The following WIZ variants were observed in gnomAD, a reference collection of about 807,000 sequenced individuals.
WIZ encodes protein Wiz.
A neutral mutation model predicts 140.2 loss-of-function variants in WIZ; 25 were observed. The ratio of observed to expected loss-of-function variants is 0.18; its 90% CI spans 0.13 to 0.25. WIZ has a LOEUF of 0.25. Among genes scored for constraint, WIZ ranks in the 10% least tolerant of loss-of-function variants. The pLI is 1.00. For synonymous variants in WIZ, 1,125 were observed against 1,154.3 expected, an observed-to-expected ratio of 0.97 and a Z score of 0.51; for missense variants, 2,231 against 2,632.6, an observed-to-expected ratio of 0.85 and a Z score of 3.34.
At chr19:15,429,457 C>G (rs1307948922) in intron 7 of WIZ, 129 bp downstream of exon 7, 3 of 1,088,236 alleles carry the variant, frequency 2.8e-6, no homozygotes. Context: ...CTGGCTGGCC[C>G]AGGACATGGG....
rs550312472 is a variant in WIZ, at chr19:15,438,819, C to T, written c.2175G>A (p.Pro725=). 3.7e-3 allele frequency: 5,604 copies of T among 1,507,534 alleles called. 16 individuals carry two copies. Among genetic ancestry groups the T allele is most frequent in the Non-Finnish European group, 4.3e-3 (4,877 of 1,126,564 alleles). 93.4% of individuals were successfully genotyped at this position (1,507,534 alleles called of 1,614,324 possible). The change falls in exon 4 of 13, where the codon CCG becomes CCA. Residue 725 remains proline (P), a synonymous_variant. Transcript: ENST00000673675. The part of the protein sequence containing the change: ...HPLDFLLLDA[P]LGGPLGLDTL... ...TGTCCAGCCCCAGCGGGCCGCCCAGCGGCGCGTCCAGGAGCAGGAAGTCCA... is the reference window on the plus strand; with the variant it reads ...TGTCCAGCCCCAGCGGGCCGCCCAGTGGCGCGTCCAGGAGCAGGAAGTCCA...
chr19:15,434,852 A>G (rs1202820894), intron 5 of WIZ, among the ~76,000 whole-genome samples: 2 of 152,216 alleles, frequency 1.3e-5, no homozygotes, highest in Non-Finnish European at 2.9e-5. Flanking sequence ...CACTAGAGAC[A>G]CCACCAAACA....
At position 15,424,209 on chromosome 19, in the gene WIZ, C is replaced by T. The variant is rs1968558114; in HGVS notation, c.5484G>A (p.Val1828=). 2 of 1,560,630 alleles carry T rather than the reference C, an allele frequency of 1.3e-6. No individual in the cohort carries two copies. Among genetic ancestry groups the T allele is most frequent in the Non-Finnish European group, 1.7e-6 (2 of 1,155,392 alleles). ...TGCATTTGAGGGTGTAGATGTTGCC[C>T]ACGAACTTGACAAGTGATGTCTGGG... ...RPPQTSLVKF[V]GNIYTLKCRF... Residue 1828 remains valine (V), a synonymous_variant, in exon 12 of 13, where the codon GTG becomes GTA. Coordinates refer to ENST00000673675, the MANE Select transcript of WIZ (RefSeq NM_001371589.1). The surrounding 1 kb of genome is among the most constrained non-coding windows in gnomAD (Gnocchi z 9.7).
chr19:15,444,094 C>T (rs1969836257), intron 2 of WIZ, among the ~76,000 whole-genome samples: 1 of 152,244 alleles, frequency 6.6e-6, no homozygotes, highest in Non-Finnish European at 1.5e-5. Context: ...GTGCCCCGTC[C>T]AGAGCCCGAC....
In WIZ at chr19:15,420,032, C is replaced by G. The variant is rs1968312419; in HGVS notation, c.*3044G>C. The G allele has an allele frequency of 6.6e-6, 1 of 152,160 alleles. No individual in the cohort carries two copies. Among genetic ancestry groups the G allele is most frequent in the Non-Finnish European group, 1.5e-5 (1 of 68,050 alleles). The allele number at this position is 152,160 out of a possible 1,614,324, so 9.4% of individuals were successfully genotyped here. On this transcript the variant is annotated 3_prime_UTR_variant, in exon 13 of 13. Transcript: ENST00000673675. Reference sequence around the variant, plus strand: ...TGTTTCTTTTTGATATTGTTGATTTCTTTAGGTGTAATAGTGGCATTTACA... The same window carrying G: ...TGTTTCTTTTTGATATTGTTGATTTGTTTAGGTGTAATAGTGGCATTTACA...
chr19:15,441,420 T>C (rs1969742458), intron 3 of WIZ, among the ~76,000 whole-genome samples: 1 of 152,178 alleles, frequency 6.6e-6, no homozygotes, highest in Admixed American at 6.5e-5. Flanking sequence ...TCTGTGGAGC[T>C]TTCTCATAGC....
rs900109412 is a variant in WIZ at position 15,427,771 on chromosome 19, A to G, written c.3815-238T>C. On this transcript the variant is annotated intron_variant, in intron 8 of 12. Transcript: ENST00000673675. The surrounding 1 kb of genome is among the most constrained non-coding windows in gnomAD (Gnocchi z 6.4). ...AGTCCTGGCGGAGGAGGATGGAACC[A>G]AGATTCCATTGCTCTGTGGGTCCCA... 6.6e-6 allele frequency among the ~76,000 whole-genome samples: 1 copy of G among 152,164 alleles called. No individual in the cohort carries two copies. Among genetic ancestry groups the G allele is most frequent in the Non-Finnish European group, 1.5e-5 (1 of 68,026 alleles).
Position 15,427,761 on chromosome 19 carries a change from G to A in WIZ, c.3815-228C>T, listed in dbSNP as rs938613559. On this transcript the variant is annotated intron_variant, in intron 8 of 12. Transcript: ENST00000673675. The surrounding 1 kb of genome is among the most constrained non-coding windows in gnomAD (Gnocchi z 6.4). ...ATGGGCCCTCAGTCCTGGCGGAGGA[G>A]GATGGAACCAAGATTCCATTGCTCT... 1.3e-5 allele frequency among the ~76,000 whole-genome samples: 2 copies of A among 152,202 alleles called. No individual in the cohort carries two copies. Among genetic ancestry groups the A allele is most frequent in the African/African-American group, 2.4e-5 (1 of 41,452 alleles).
chr19:15,432,202 G>C (rs959498062), intron 5 of WIZ, among the ~76,000 whole-genome samples: 3 of 152,110 alleles, frequency 2.0e-5, no homozygotes, highest in African/African-American at 7.2e-5. Flanking sequence ...GGGCTCCAAA[G>C]GGGGCAAGGG....
Position 15,440,662 on chromosome 19 carries a change from A to G in WIZ, c.332T>C (p.Leu111Pro). The change falls in exon 4 of 13, where the codon CTC becomes CCC. Residue 111 changes from leucine (L) to proline (P), a missense_variant. By Grantham distance (98) the Leu-to-Pro change is moderately conservative. Coordinates refer to ENST00000673675, the MANE Select transcript of WIZ (RefSeq NM_001371589.1). The surrounding 1 kb of genome is among the most constrained non-coding windows in gnomAD (Gnocchi z 6.2). The part of the protein sequence containing the change: ...DFRPGSPPPH[L>P]LGHFPGTPDG... ...AGGGGTACCTGGGAAATGGCCCAGG[A>G]GATGGGGTGGTGGGGAGCCCGGCCG... 6.6e-7 allele frequency: 1 copy of G among 1,525,346 alleles called. No individual in the cohort carries two copies. The highest frequency in any genetic ancestry group is 8.8e-7 in the Non-Finnish European group (1 of 1,138,988). The allele number at this position is 1,525,346 out of a possible 1,614,324, so 94.5% of individuals were successfully genotyped here.
chr19:15,428,518 C>A lies in WIZ; in HGVS notation c.3416-10G>T. The A allele has an allele frequency of 6.5e-7, 1 of 1,535,230 alleles. No individual in the cohort carries two copies. The highest frequency in any genetic ancestry group is 1.2e-5 in the South Asian group (1 of 84,044). The stretch of plus-strand genomic sequence containing the variant: ...CCGTCACTATCTAAAGCTGCGGAGA[C>A]AAAACACAGGGGGGGTTCACGGCCG... On this transcript the variant is annotated splice_polypyrimidine_tract_variant and intron_variant, in intron 7 of 12. Coordinates refer to ENST00000673675, the MANE Select transcript of WIZ (RefSeq NM_001371589.1). This position sits in a 1 kb window ranked among gnomAD's most constrained non-coding sequence, Gnocchi z 6.4.
intron 4 of WIZ, among the ~76,000 whole-genome samples, chr19:15,438,056 G>A (rs1170484876): frequency 6.6e-6 from 1 of 152,096 alleles, no homozygotes; most frequent in East Asian, 1.9e-4. Context: ...CTCCCCAAGT[G>A]GGCTTTGTGT....
In WIZ at chr19:15,425,443, C is replaced by A. The variant is rs1310099113; in HGVS notation, c.4692G>T (p.Gly1564=). 6.3e-7 allele frequency: 1 copy of A among 1,575,314 alleles called. No homozygotes were observed. The stretch of plus-strand genomic sequence containing the variant: ...TGAGCTCACGAGGAACCTGGGCCGG[C>A]CCTGCACCTGGTTTGCCTGGCCGGC... ...LAGRPGKPGA[G]PAQVPRELSL... is the part of the protein sequence containing the mutation. Residue 1564 remains glycine, a synonymous_variant, in exon 10 of 13, where the codon GGG becomes GGT. Transcript: ENST00000673675.
chr19:15,428,988 A>G lies in WIZ; in HGVS notation c.3416-480T>C, dbSNP rs537913203. 1.4e-3 allele frequency among the ~76,000 whole-genome samples: 211 copies of G among 152,266 alleles called. 2 individuals are homozygous for G. In the South Asian group the frequency reaches 0.042, roughly 30 times the overall value. ...CCCCCAGACTCTAATGTCCACAAAG[A>G]TATGGGAAAGCCTGATGTTGTAAGG... On this transcript the variant is annotated intron_variant, in intron 7 of 12. Transcript: ENST00000673675. The surrounding 1 kb of genome is among the most constrained non-coding windows in gnomAD (Gnocchi z 6.4).
In WIZ at chr19:15,448,112, C is replaced by T. The variant is rs1332630068; in HGVS notation, c.196G>A (p.Gly66Ser). 3 of 1,612,430 alleles carry T rather than the reference C, an allele frequency of 1.9e-6. No individual in the cohort carries two copies. The East Asian group carries it at 6.7e-5, about 36-fold the overall frequency. ...CGGCCCATTCTCTTACCAGAGATGC[C>T]ACCTCTGCCATCCAGAATGTCTCGG... The part of the protein sequence containing the change: ...GPRDILDGRG[G>S]ISDGQPHPGL... The change falls in exon 2 of 13, where the codon GGC becomes AGC. Residue 66 changes from glycine (G) to serine (S), a missense_variant. This residue lies in a region of WIZ where 85 missense variants were observed against 90.9 expected (regional missense o/e 0.94). Transcript: ENST00000673675.
At position 15,425,181 on chromosome 19, in the gene WIZ, T is replaced by C. The variant is rs1340718063; in HGVS notation, c.4894+60A>G. On this transcript the variant is annotated intron_variant, in intron 10 of 12. Coordinates refer to ENST00000673675, the MANE Select transcript of WIZ (RefSeq NM_001371589.1). Reference sequence around the variant, plus strand: ...GGGGTCAGTGTGCACGCTTGTGGCATTGCCTGGCCTGGCAGGCCCTGGCGG... The same window carrying C: ...GGGGTCAGTGTGCACGCTTGTGGCACTGCCTGGCCTGGCAGGCCCTGGCGG... The C allele has an allele frequency of 6.9e-5, 106 of 1,547,092 alleles. No individual in the cohort carries two copies. The East Asian group carries it at 7.5e-4, about 11-fold the overall frequency.
At position 15,425,737 on chromosome 19, in the gene WIZ, G is replaced by A. The variant is rs1415070560; in HGVS notation, c.4398C>T (p.Arg1466=). 1.9e-6 allele frequency: 3 copies of A among 1,605,874 alleles called. No homozygotes were observed. The East Asian group carries it at 6.7e-5, about 36-fold the overall frequency. Residue 1466 remains arginine (R), a synonymous_variant, in exon 10 of 13, where the codon CGC becomes CGT. Coordinates refer to ENST00000673675, the MANE Select transcript of WIZ (RefSeq NM_001371589.1). The part of the protein sequence containing the change: ...SSRAEPVRDI[R]CEFCGEFFEN... The stretch of plus-strand genomic sequence containing the variant: ...CGAAGAACTCGCCGCAGAACTCACA[G>A]CGGATGTCGCGCACCGGCTCTGCCC...
At chr19:15,436,262 A>G (rs909484378) in intron 5 of WIZ, among the ~76,000 whole-genome samples, 1 of 152,244 alleles carries the variant, frequency 6.6e-6, no homozygotes, top group Non-Finnish European at 1.5e-5. Flanking sequence ...TCTAGAGAAT[A>G]TTTCCAGCCA....
In WIZ at chr19:15,420,659, T is replaced by A. The variant is rs1180322173; in HGVS notation, c.*2417A>T. On this transcript the variant is annotated 3_prime_UTR_variant, in exon 13 of 13. Transcript: ENST00000673675. ...GCAGAGAAGAGCAATGCTCAGAAAG[T>A]TTTAGGAAAACATCCCCCTGCAAGA... 6.6e-6 allele frequency: 1 copy of A among 152,084 alleles called. No individual in the cohort carries two copies. Among genetic ancestry groups the A allele is most frequent in the African/African-American group, 2.4e-5 (1 of 41,384 alleles). 9.4% of individuals were successfully genotyped at this position (152,084 alleles called of 1,614,324 possible).
Sources: gnomAD v4.1 joint callset for allele counts (sites outside exome capture counted in the v4.1 genomes callset) on GRCh38, gnomAD v4.1.1 for gene constraint, gnomAD v4.1.1 regional missense constraint, Gnocchi (gnomAD v3.1) non-coding constraint, MANE v1.5 for transcripts, NCBI Gene and HGNC (gene_info 2026-07-23, HGNC 2026-07-21) for gene names.